IL21R: variants seen among roughly 807,000 people sequenced by gnomAD.
IL21R encodes interleukin-21 receptor.
In IL21R, 14 loss-of-function variants were observed where a neutral mutation model predicts 41.3. That is an observed-to-expected ratio of 0.34 (90% CI 0.22 to 0.53). The LOEUF (loss-of-function observed/expected upper bound fraction) is 0.53, where lower values mean the gene tolerates loss of function less well. Ranked by LOEUF, IL21R falls within the 20% of genes least tolerant of loss-of-function variation. The pLI, the probability that IL21R is intolerant of heterozygous loss-of-function variation, is 0.94. For synonymous variants in IL21R, 286 were observed against 287.6 expected, an observed-to-expected ratio of 0.99 and a Z score of 0.05; for missense variants, 588 against 681.6, an observed-to-expected ratio of 0.86 and a Z score of 1.53.
At chr16:27,421,455 G>A (rs1299980160) in intron 1 of IL21R, among the ~76,000 whole-genome samples, 1 of 151,452 alleles carries the variant, frequency 6.6e-6, no homozygotes, top group Non-Finnish European at 1.5e-5. Flanking sequence ...TATGAACATG[G>A]TATATCCTCC....
At chr16:27,431,998 C>T (rs1400443223) in intron 2 of IL21R, among the ~76,000 whole-genome samples, 4 of 152,212 alleles carry the variant, frequency 2.6e-5, no homozygotes, top group South Asian at 2.1e-4. Context: ...CACGCTGCAT[C>T]CTCACATGGC....
intron 2 of IL21R, among the ~76,000 whole-genome samples, chr16:27,431,800 G>T (rs904796553): frequency 1.3e-5 from 2 of 152,182 alleles, no homozygotes; most frequent in East Asian, 3.9e-4. Flanking sequence ...ACAGGCACAT[G>T]CCATGGCTAA....
chr16:27,428,163 G>T (rs3093292), intron 1 of IL21R, among the ~76,000 whole-genome samples: 11 of 151,792 alleles, frequency 7.2e-5, no homozygotes, highest in Admixed American at 7.2e-4. Context: ...GGGGCCATCT[G>T]CAGGGTTTTA....
intron 1 of IL21R, among the ~76,000 whole-genome samples, chr16:27,411,760 G>A (rs1003326544): frequency 4.0e-5 from 6 of 151,854 alleles, no homozygotes; most frequent in Admixed American, 1.3e-4. Context: ...CACCACACCC[G>A]GCCATTTTTA....
chr16:27,409,408 G>T (rs1323355042), intron 1 of IL21R, among the ~76,000 whole-genome samples: 3 of 151,498 alleles, frequency 2.0e-5, no homozygotes, highest in Non-Finnish European at 2.9e-5. Flanking sequence ...TTTATGACCA[G>T]AACTTTCTAT....
At position 27,448,586 on chromosome 16, in the gene IL21R, G is replaced by A. The variant is rs1033858254; in HGVS notation, c.920G>A (p.Ser307Asn). The stretch of plus-strand genomic sequence containing the variant: ...TCCAGCCTGGAGCTGGGACCCTGGA[G>A]CCCAGAGGTGCCCTCCACCCTGGAG... ...TGSSLELGPWSPEVPSTLEVY... is the reference protein window; with the variant it reads ...TGSSLELGPWNPEVPSTLEVY... The change falls in exon 9 of 9, where the codon AGC (serine) becomes AAC (asparagine). Residue 307 changes from serine to asparagine, a missense_variant. Physicochemically the swap from Ser to Asn is conservative, Grantham distance 46. Coordinates refer to ENST00000337929, the MANE Select transcript of IL21R (RefSeq NM_181078.3). The A allele has an allele frequency of 6.2e-7, 1 of 1,612,690 alleles. No homozygotes were observed. The highest frequency in any genetic ancestry group is 1.3e-5 in the African/African-American group (1 of 74,938).
chr16:27,412,682 G>A (rs547119049), intron 1 of IL21R, among the ~76,000 whole-genome samples: 54 of 152,066 alleles, frequency 3.6e-4, no homozygotes, highest in African/African-American at 1.2e-3. Context: ...TTTTATACAA[G>A]TCTTTCTCCT....
intron 1 of IL21R, among the ~76,000 whole-genome samples, chr16:27,419,147 C>A (rs1270622182): frequency 1.3e-5 from 2 of 151,986 alleles, no homozygotes; most frequent in African/African-American, 2.4e-5. Flanking sequence ...CCCGGGAAAA[C>A]CAACACCACG....
At chr16:27,444,357 C>G (rs1024048804) in intron 5 of IL21R, among the ~76,000 whole-genome samples, 185 bp from the exon 6 acceptor site, 1 of 152,062 alleles carries the variant, frequency 6.6e-6, no homozygotes, top group Non-Finnish European at 1.5e-5. Flanking sequence ...ACGGGCCAGG[C>G]AGTGCTGGTG....
At chr16:27,419,925 G>C (rs1172784459) in intron 1 of IL21R, among the ~76,000 whole-genome samples, 1 of 138,368 alleles carries the variant, frequency 7.2e-6, no homozygotes, top group Non-Finnish European at 1.5e-5. Flanking sequence ...GTCTCACTCT[G>C]TTGTCCAGGC....
chr16:27,436,715 A>G lies in IL21R; in HGVS notation c.153-773A>G, dbSNP rs573694749. ...CCAACTTTCCCAGAAGTCCACCCAG[A>G]GGAGGAGATGAGGTTCATTTAGCTC... On this transcript the variant is annotated intron_variant, in intron 3 of 8. Transcript: ENST00000337929. Among the ~76,000 whole-genome samples the G allele has an allele frequency of 3.3e-5, 5 of 152,266 alleles. No individual in the cohort carries two copies. In the South Asian group the frequency reaches 1.0e-3, roughly 32 times the overall value.
chr16:27,445,384 G>C (rs993543106), intron 7 of IL21R, 108 bp downstream of exon 7: 1 of 740,896 alleles, frequency 1.3e-6, no homozygotes, highest in Admixed American at 2.2e-5. Flanking sequence ...TAACAATGAT[G>C]ATGATGGGAT....
At chr16:27,432,827 G>T (rs1354020797) in intron 2 of IL21R, among the ~76,000 whole-genome samples, 1 of 152,182 alleles carries the variant, frequency 6.6e-6, no homozygotes, top group Non-Finnish European at 1.5e-5. Flanking sequence ...GAGAAGTTGA[G>T]AAGCATTCCG....
At chr16:27,431,522 T>C (rs576111238) in intron 2 of IL21R, among the ~76,000 whole-genome samples, 1 of 152,336 alleles carries the variant, frequency 6.6e-6, no homozygotes, top group African/African-American at 2.4e-5. Flanking sequence ...AGTCTGTCTG[T>C]GCTGCTGTAA....
chr16:27,407,555 G>A (rs2086766929), intron 1 of IL21R, among the ~76,000 whole-genome samples: 1 of 152,260 alleles, frequency 6.6e-6, no homozygotes, highest in African/African-American at 2.4e-5. Flanking sequence ...GCCAGGTGCG[G>A]TGGCTCATGC....
At chr16:27,414,165 A>T (rs536962169) in intron 1 of IL21R, among the ~76,000 whole-genome samples, 18 of 144,186 alleles carry the variant, frequency 1.2e-4, no homozygotes, top group Non-Finnish European at 2.6e-4. Flanking sequence ...AGCTATGTAT[A>T]GTGTGTGTGT....
In IL21R at chr16:27,450,318, G is replaced by A. The variant is rs370849990; in HGVS notation, c.*1035G>A. On this transcript the variant is annotated 3_prime_UTR_variant, in exon 9 of 9. Transcript: ENST00000337929. ...GAGATATTTATTAAACACCAATTAC[G>A]TAGCAGGCCATGGCTCATGGGACCC... is the stretch of plus-strand genomic sequence containing the variant. 57 of 231,598 alleles carry A rather than the reference G, an allele frequency of 2.5e-4. 1 individual carries two copies. Among genetic ancestry groups the A allele is most frequent in the East Asian group, 5.5e-4 (9 of 16,466 alleles). The allele number at this position is 231,598 out of a possible 1,614,324, so 14.3% of individuals were successfully genotyped here.
In IL21R at chr16:27,434,390, G is replaced by T; in HGVS notation, c.93G>T (p.Gln31His). The change falls in exon 3 of 9, where the codon CAG becomes CAT. Residue 31 changes from glutamine to histidine, a missense_variant. Coordinates refer to ENST00000337929, the MANE Select transcript of IL21R (RefSeq NM_181078.3). Reference sequence around the variant, plus strand: ...TCGTCTGCTACACCGATTACCTCCAGACGGTCATCTGCATCCTGGAAATGT... The same window carrying T: ...TCGTCTGCTACACCGATTACCTCCATACGGTCATCTGCATCCTGGAAATGT... Reference protein sequence around the residue: ...PDLVCYTDYLQTVICILEMWN... With the variant: ...PDLVCYTDYLHTVICILEMWN... 6.2e-7 allele frequency: 1 copy of T among 1,614,060 alleles called. No homozygotes were observed. Among genetic ancestry groups the T allele is most frequent in the Non-Finnish European group, 8.5e-7 (1 of 1,179,992 alleles).
rs146784250 is a variant in IL21R, at chr16:27,403,663, G to A, written c.-17+1045G>A. 3.8e-3 allele frequency among the ~76,000 whole-genome samples: 577 copies of A among 152,346 alleles called. 5 individuals carry two copies. Among genetic ancestry groups the A allele is most frequent in the Non-Finnish European group, 4.2e-3 (287 of 68,028 alleles). ...GTTGTGGGGACCTCAGGGCCGAACA[G>A]GGTGAAAGCTGTGCTCCTAATGGCC... On this transcript the variant is annotated intron_variant, in intron 1 of 8. Transcript: ENST00000337929.
Sources: allele counts gnomAD v4.1 joint callset (sites outside exome capture counted in the v4.1 genomes callset), GRCh38; gene constraint gnomAD v4.1.1; transcripts MANE v1.5; gene names NCBI Gene and HGNC (gene_info 2026-07-23, HGNC 2026-07-21).